Variants in TTC4 observed in about 807,000 individuals in gnomAD.
The protein encoded by TTC4 is hsp70/Hsp90 co-chaperone CNS1 homolog.
Under a neutral mutation model 51.9 loss-of-function variants are expected in TTC4, and 36 were observed. The observed-to-expected ratio is 0.69, with a 90% CI of 0.53 to 0.92. The LOEUF (loss-of-function observed/expected upper bound fraction) is 0.92. TTC4 is among the 40% of genes least tolerant of loss of function. TTC4 has a pLI of 0.00. For synonymous variants in TTC4, 144 were observed against 164.2 expected (o/e 0.88, Z 0.94); for missense variants, 399 against 454.6 (o/e 0.88, Z 1.11).
chr1:54,716,510 A>T, intron 1 of TTC4, 90 bp from the exon 2 acceptor site: 1 of 953,310 alleles, frequency 1.0e-6, no homozygotes, highest in African/African-American at 1.6e-5. Context: ...GCAAATCATG[A>T]TGAGTAAAAA....
At chr1:54,733,752 T>TAA in intron 8 of TTC4, 42 bp downstream of exon 8, 1 of 208,740 alleles carries the variant, frequency 4.8e-6, no homozygotes, top group Non-Finnish European at 6.0e-6. Flanking sequence ...AATTAATTTT[T>TAA]TTTTTTTTTT....
chr1:54,716,020 GTGGGCGGTCC>G lies in TTC4; in HGVS notation c.111+6_111+15del. ...CTTTCATGAGGACCAGTGGGAGAAGGTGGGCGGTCCTGGGGTCTCCCCACGTGTGTAGGGG... is the reference window on the plus strand; with the variant it reads ...CTTTCATGAGGACCAGTGGGAGAAGGTGGGGTCTCCCCACGTGTGTAGGGG... On this transcript the variant is annotated splice_donor_variant and splice_donor_5th_base_variant and intron_variant, in intron 1 of 9. Coordinates refer to ENST00000371281, the MANE Select transcript of TTC4 (RefSeq NM_004623.5). LOFTEE classifies it high-confidence loss of function. 6.3e-7 allele frequency: 1 copy of G among 1,579,046 alleles called. No individual in the cohort carries two copies. Among genetic ancestry groups the G allele is most frequent in the Non-Finnish European group, 8.6e-7 (1 of 1,163,098 alleles).
rs575305015 is a variant in TTC4, at chr1:54,723,458, T to C, written c.594+659T>C. On this transcript the variant is annotated intron_variant, in intron 5 of 9. Coordinates refer to ENST00000371281, the MANE Select transcript of TTC4 (RefSeq NM_004623.5). The stretch of plus-strand genomic sequence containing the variant: ...GTGTATATTATATACTCCCATTCCG[T>C]AGTATAAGCCATGAAGAGAGACCTA... 4.6e-5 allele frequency among the ~76,000 whole-genome samples: 7 copies of C among 152,258 alleles called. No individual in the cohort carries two copies. In the South Asian group the frequency reaches 6.2e-4, roughly 14 times the overall value.
chr1:54,718,028 A>T (rs925859231), intron 3 of TTC4, among the ~76,000 whole-genome samples: 1 of 152,192 alleles, frequency 6.6e-6, no homozygotes, highest in African/African-American at 2.4e-5. Flanking sequence ...TTTAGGTGAG[A>T]TAAGCTATTT....
At chr1:54,728,678 G>A (rs1405978924) in intron 6 of TTC4, among the ~76,000 whole-genome samples, 1 of 152,188 alleles carries the variant, frequency 6.6e-6, no homozygotes, top group East Asian at 1.9e-4. Flanking sequence ...TGAAGCAGAT[G>A]TATTCCAGGA....
At chr1:54,741,356 GA>G in intron 9 of TTC4, 54 bp from the exon 10 acceptor site, 1 of 1,452,258 alleles carries the variant, frequency 6.9e-7, no homozygotes, top group African/African-American at 1.4e-5. Context: ...AAGGTGCATG[GA>G]TGGTTAAGAT....
At chr1:54,720,826 C>T (rs1209872195) in intron 3 of TTC4, among the ~76,000 whole-genome samples, 2 of 152,022 alleles carry the variant, frequency 1.3e-5, no homozygotes, top group Admixed American at 1.3e-4. Flanking sequence ...TGCTAATTTG[C>T]TTTCTAATTT....
chr1:54,727,123 A>T (rs1645809915), intron 5 of TTC4, among the ~76,000 whole-genome samples: 2 of 152,166 alleles, frequency 1.3e-5, no homozygotes, highest in Non-Finnish European at 2.9e-5. Context: ...ACAGAGCTAC[A>T]GTAATCAAGG....
intron 3 of TTC4, among the ~76,000 whole-genome samples, chr1:54,718,569 C>T (rs1645704154): frequency 6.6e-6 from 1 of 152,058 alleles, no homozygotes. Flanking sequence ...TTGGAAAATG[C>T]TGCTTCTTAG....
At chr1:54,721,138 CTT>C (rs1645738912) in intron 3 of TTC4, 23 bp from the exon 4 acceptor site, 2 of 1,611,238 alleles carry the variant, frequency 1.2e-6, no homozygotes, top group African/African-American at 2.7e-5. Flanking sequence ...AAACTTCTCT[CTT>C]TTACTAAACG....
intron 3 of TTC4, among the ~76,000 whole-genome samples, chr1:54,720,394 A>G (rs1247367630): frequency 1.3e-5 from 2 of 151,476 alleles, no homozygotes; most frequent in South Asian, 2.1e-4. Context: ...AGTATACCTC[A>G]TGGCTTGCTA....
At chr1:54,740,689 C>T (rs1203324436) in intron 9 of TTC4, among the ~76,000 whole-genome samples, 2 of 152,134 alleles carry the variant, frequency 1.3e-5, no homozygotes, top group African/African-American at 4.8e-5. Context: ...GGTGGAGCCA[C>T]GAAATAGGCC....
intron 3 of TTC4, among the ~76,000 whole-genome samples, chr1:54,718,853 C>T (rs1645708279): frequency 1.3e-5 from 2 of 152,110 alleles, no homozygotes; most frequent in African/African-American, 2.4e-5. Context: ...CCTTGAACTC[C>T]TGAGCTCAAG....
intron 7 of TTC4, among the ~76,000 whole-genome samples, chr1:54,733,163 C>A (rs1645889496): frequency 6.8e-6 from 1 of 146,734 alleles, no homozygotes; most frequent in South Asian, 2.2e-4. Context: ...CACCTGTAAT[C>A]CCAATAACTT....
chr1:54,719,015 G>A (rs185581794), intron 3 of TTC4, among the ~76,000 whole-genome samples: 22 of 152,088 alleles, frequency 1.4e-4, no homozygotes, highest in African/African-American at 4.6e-4. Flanking sequence ...CCTGGCTGCT[G>A]GTACTTTGGG....
chr1:54,722,636 C>T lies in TTC4; in HGVS notation c.470-39C>T, dbSNP rs144964451. On this transcript the variant is annotated intron_variant, in intron 4 of 9. Transcript: ENST00000371281. ...TTGCCCAAAGCAGGTTCTTTCCATG[C>T]ATGTTTTTCTTGAATCCTAAGGGTT... 1.3e-4 allele frequency: 210 copies of T among 1,605,654 alleles called. 2 individuals carry two copies. The African/African-American group carries it at 2.6e-3, about 20-fold the overall frequency.
intron 8 of TTC4, among the ~76,000 whole-genome samples, chr1:54,736,167 GAAAGAAA>G: frequency 8.7e-6 from 1 of 114,900 alleles, no homozygotes; most frequent in African/African-American, 4.4e-5. Flanking sequence ...GAGAGAGAAA[GAAAGAAA>G]GGAGAGAGAG....
intron 8 of TTC4, 37 bp downstream of exon 8, chr1:54,733,747 A>ATTT (rs371403281): frequency 4.3e-4 from 342 of 798,998 alleles, no homozygotes; most frequent in Middle Eastern, 8.5e-4. Context: ...TATGGAATTA[A>ATTT]TTTTTTTTTT....
intron 8 of TTC4, among the ~76,000 whole-genome samples, chr1:54,735,300 C>T (rs1183441331): frequency 6.6e-6 from 1 of 151,240 alleles, no homozygotes; most frequent in Non-Finnish European, 1.5e-5. Flanking sequence ...CTCACTGCAG[C>T]CTCTGCCTCC....
Sources: allele counts gnomAD v4.1 joint callset (sites outside exome capture counted in the v4.1 genomes callset), GRCh38; gene constraint gnomAD v4.1.1; transcripts MANE v1.5; gene names NCBI Gene and HGNC (gene_info 2026-07-23, HGNC 2026-07-21).